Variants in WWC1 observed in about 807,000 individuals in gnomAD.
The protein encoded by WWC1 is WW and C2 domain containing 1.
A neutral mutation model predicts 138.4 loss-of-function variants in WWC1; 55 were observed. The observed-to-expected ratio is 0.40, with a 90% CI of 0.32 to 0.50. WWC1 has a LOEUF of 0.50. Among genes scored for constraint, WWC1 ranks in the 20% least tolerant of loss-of-function variants. WWC1 has a pLI of 0.72. For synonymous variants in WWC1, 524 were observed against 564.9 expected (o/e 0.93, Z 1.03); for missense variants, 1,226 against 1,420.4 (o/e 0.86, Z 2.20).
intron 2 of WWC1, among the ~76,000 whole-genome samples, chr5:168,380,346 C>T (rs73390790): frequency 0.013 from 2,049 of 152,068 alleles, 41 homozygotes; most frequent in African/African-American, 0.046. Flanking sequence ...TGGTACATGC[C>T]AAGTAGTCCC....
intron 10 of WWC1, among the ~76,000 whole-genome samples, chr5:168,422,841 T>A (rs1781203390): frequency 6.6e-6 from 1 of 152,122 alleles, no homozygotes. Flanking sequence ...ATAGATGTTT[T>A]AAAGTATTAA....
intron 21 of WWC1, among the ~76,000 whole-genome samples, chr5:168,465,803 C>A (rs1757246633): frequency 6.6e-6 from 1 of 152,098 alleles, no homozygotes; most frequent in Admixed American, 6.6e-5. Flanking sequence ...AACATTCAAC[C>A]TGCCTCGGCC....
At chr5:168,355,673 A>G (rs1775351293) in intron 1 of WWC1, among the ~76,000 whole-genome samples, 1 of 152,100 alleles carries the variant, frequency 6.6e-6, no homozygotes, top group South Asian at 2.1e-4. Flanking sequence ...GTGAAGCTGG[A>G]GGAGCAGGTC....
At chr5:168,309,617 T>A (rs142275944) in intron 1 of WWC1, among the ~76,000 whole-genome samples, 2 of 152,270 alleles carry the variant, frequency 1.3e-5, no homozygotes, top group East Asian at 3.9e-4. Context: ...TCATTCCTTT[T>A]CTGTTTATTC....
At chr5:168,297,810 T>A (rs1433011202) in intron 1 of WWC1, among the ~76,000 whole-genome samples, 2 of 152,142 alleles carry the variant, frequency 1.3e-5, no homozygotes, top group African/African-American at 4.8e-5. Flanking sequence ...TCACACATAT[T>A]TTATGTGCAT....
chr5:168,317,004 A>T (rs1771660056), intron 1 of WWC1, among the ~76,000 whole-genome samples: 1 of 152,220 alleles, frequency 6.6e-6, no homozygotes, highest in Non-Finnish European at 1.5e-5. Context: ...TAGTTCAAAA[A>T]TCTTGTTAGA....
chr5:168,407,283 T>C lies in WWC1; in HGVS notation c.720+956T>C, dbSNP rs1037584305. On this transcript the variant is annotated intron_variant, in intron 6 of 22. Transcript: ENST00000265293. ...CCAAGCCTTTTGTATGCATCATGTC[T>C]CATCTCTTAAATCAACCCTAGTTTA... Among the ~76,000 whole-genome samples the C allele has an allele frequency of 3.1e-4, 47 of 152,150 alleles. 1 individual carries two copies. Among genetic ancestry groups the C allele is most frequent in the Non-Finnish European group, 1.5e-5 (1 of 68,032 alleles).
At chr5:168,416,986 G>A (rs1561734576) in intron 9 of WWC1, among the ~76,000 whole-genome samples, 1 of 152,046 alleles carries the variant, frequency 6.6e-6, no homozygotes, top group East Asian at 1.9e-4. Flanking sequence ...TCCTGACTTA[G>A]CCTCCCGAGT....
At chr5:168,398,536 T>C (rs1338474019) in intron 4 of WWC1, among the ~76,000 whole-genome samples, 3 of 152,236 alleles carry the variant, frequency 2.0e-5, no homozygotes, top group Non-Finnish European at 4.4e-5. Context: ...TTATTCTGCA[T>C]TATCTTATTT....
chr5:168,415,494 A>G (rs1440988834), intron 9 of WWC1: 7 of 152,024 alleles, frequency 4.6e-5, no homozygotes, highest in Admixed American at 4.6e-4. Context: ...CCTCACCCAC[A>G]TTGCACCGAA....
rs200568096 is a variant in WWC1, at chr5:168,455,475, C to T, written c.2778C>T (p.Arg926=). 4.8e-5 allele frequency: 77 copies of T among 1,613,236 alleles called. 1 individual carries two copies. The East Asian group carries it at 1.7e-3, about 35-fold the overall frequency. The change falls in exon 19 of 23, where the codon CGC becomes CGT. Residue 926 remains arginine, a synonymous_variant. Coordinates refer to ENST00000265293, the MANE Select transcript of WWC1 (RefSeq NM_015238.3). The stretch of plus-strand genomic sequence containing the variant: ...TTCTTCGAGGGAGCACCATCATCCG[C>T]TCTAAGACCTTCTCCCCAGGACCCC... The part of the protein sequence containing the change: ...GPFLRGSTII[R]SKTFSPGPQS...
intron 8 of WWC1, chr5:168,411,988 C>G (rs1015583336): frequency 1.5e-5 from 15 of 985,340 alleles, no homozygotes; most frequent in Non-Finnish European, 1.7e-5. Context: ...AAACAGATGT[C>G]CTATGTACTA....
intron 1 of WWC1, among the ~76,000 whole-genome samples, chr5:168,315,056 G>A (rs1292173907): frequency 2.0e-5 from 3 of 152,196 alleles, no homozygotes; most frequent in Non-Finnish European, 4.4e-5. Context: ...CAGTTTGTTT[G>A]ACGTTGGCAT....
Position 168,424,102 on chromosome 5 carries a change from G to A in WWC1, c.1810+34G>A. The A allele has an allele frequency of 7.1e-6, 11 of 1,547,266 alleles. No homozygotes were observed. In the South Asian group the frequency reaches 1.3e-4, roughly 18 times the overall value. On this transcript the variant is annotated intron_variant, in intron 11 of 22. Coordinates refer to ENST00000265293, the MANE Select transcript of WWC1 (RefSeq NM_015238.3). Reference sequence around the variant, plus strand: ...CACCATACCCAGAGGGTGGGAACCAGGAGGAGGGAAAGAGATACTCTGTGC... The same window carrying A: ...CACCATACCCAGAGGGTGGGAACCAAGAGGAGGGAAAGAGATACTCTGTGC...
chr5:168,464,085 C>T lies in WWC1; in HGVS notation c.2917-644C>T, dbSNP rs541199482. Among the ~76,000 whole-genome samples, 6 of 152,190 alleles carry T rather than the reference C, an allele frequency of 3.9e-5. No individual in the cohort carries two copies. In the South Asian group the frequency reaches 6.2e-4, roughly 16 times the overall value. The stretch of plus-strand genomic sequence containing the variant: ...TCAGGTCACATTCCTATCCCTGATG[C>T]CCCACACAAACCAGGTGGATTGAGT... On this transcript the variant is annotated intron_variant, in intron 20 of 22. Transcript: ENST00000265293.
At chr5:168,441,635 G>A in intron 15 of WWC1, 47 bp from the exon 16 acceptor site, 1 of 1,591,656 alleles carries the variant, frequency 6.3e-7, no homozygotes, top group Non-Finnish European at 8.6e-7. Context: ...GACACCTGGT[G>A]TCCCCCCCAC....
At chr5:168,406,448 TC>T in intron 6 of WWC1, 121 bp downstream of exon 6, 2 of 1,431,758 alleles carry the variant, frequency 1.4e-6, no homozygotes. Context: ...TTACCAGTCT[TC>T]CTGGGGTTTT....
At chr5:168,309,368 G>A (rs1405534990) in intron 1 of WWC1, among the ~76,000 whole-genome samples, 1 of 146,656 alleles carries the variant, frequency 6.8e-6, no homozygotes, top group Non-Finnish European at 1.5e-5. Context: ...TTTGCCTCTG[G>A]CCTTTTTTGC....
chr5:168,386,383 T>TA (rs1302997731), intron 3 of WWC1, among the ~76,000 whole-genome samples: 2 of 150,908 alleles, frequency 1.3e-5, no homozygotes, highest in African/African-American at 4.9e-5. Context: ...TGTTCTTTTT[T>TA]TTTTTTTCTT....
Sources: gnomAD v4.1 joint callset for allele counts (sites outside exome capture counted in the v4.1 genomes callset) on GRCh38, gnomAD v4.1.1 for gene constraint, MANE v1.5 for transcripts, NCBI Gene and HGNC (gene_info 2026-07-23, HGNC 2026-07-21) for gene names.